The following TXNRD1 variants were observed in gnomAD, a reference collection of about 807,000 sequenced individuals.
TXNRD1 encodes the protein thioredoxin reductase 1, also known as thioredoxin reductase 1, cytoplasmic.
TXNRD1 carries 57 observed loss-of-function variants against 80.3 expected under a neutral mutation model. That is an observed-to-expected ratio of 0.71 (90% CI 0.57 to 0.89). The LOEUF is 0.89. Ranked by LOEUF, TXNRD1 falls within the 40% of genes least tolerant of loss-of-function variation. The pLI, the probability that TXNRD1 is intolerant of heterozygous loss-of-function variation, is 0.00. For missense variants in TXNRD1, 730 were observed against 803.0 expected, an observed-to-expected ratio of 0.91 and a Z score of 1.10; for synonymous variants, 291 against 285.2, an observed-to-expected ratio of 1.02 and a Z score of -0.20.
At chr12:104,341,863 AG>A (rs2036336143) in intron 16 of TXNRD1, among the ~76,000 whole-genome samples, 1 of 152,330 alleles carries the variant, frequency 6.6e-6, no homozygotes, top group East Asian at 1.9e-4. Flanking sequence ...TATAAAGTCA[AG>A]GGGTTCCCAT....
At chr12:104,270,238 T>C (rs2033625536) in intron 3 of TXNRD1, among the ~76,000 whole-genome samples, 1 of 152,224 alleles carries the variant, frequency 6.6e-6, no homozygotes, top group Non-Finnish European at 1.5e-5. Flanking sequence ...TTTGCCCAGA[T>C]CTGTCAGAGG....
chr12:104,290,381 A>T (rs1211831391), intron 4 of TXNRD1, among the ~76,000 whole-genome samples: 16 of 152,158 alleles, frequency 1.1e-4, no homozygotes, highest in Admixed American at 8.5e-4. Flanking sequence ...AAAAAGAGAT[A>T]ACGGTCTATT....
chr12:104,224,794 C>T (rs1374033362), intron 1 of TXNRD1: 1 of 455,330 alleles, frequency 2.2e-6, no homozygotes, highest in South Asian at 1.6e-5. Context: ...TGATTTTCTC[C>T]CCCACTGTTT....
intron 13 of TXNRD1, among the ~76,000 whole-genome samples, chr12:104,328,471 T>C (rs1481731345): frequency 6.6e-6 from 1 of 151,932 alleles, no homozygotes; most frequent in African/African-American, 2.4e-5. Context: ...ATATCTGTCT[T>C]AGAGGCCAGG....
At chr12:104,235,056 G>C (rs936563388) in intron 1 of TXNRD1, among the ~76,000 whole-genome samples, 1 of 152,122 alleles carries the variant, frequency 6.6e-6, no homozygotes, top group Admixed American at 6.6e-5. Context: ...ATAAGAGCTC[G>C]GAGTCGCAAA....
chr12:104,254,644 A>AAAAAAAAAAAAAAAAAAAAAT, intron 2 of TXNRD1, among the ~76,000 whole-genome samples: 17 of 93,634 alleles, frequency 1.8e-4, no homozygotes, highest in Non-Finnish European at 2.5e-4. Context: ...AAAAAAAAAA[A>AAAAAAAAAAAAAAAAAAAAAT]ATATATATAT....
At chr12:104,253,749 A>C (rs2033181814) in intron 2 of TXNRD1, among the ~76,000 whole-genome samples, 1 of 152,030 alleles carries the variant, frequency 6.6e-6, no homozygotes, top group East Asian at 1.9e-4. Flanking sequence ...GCTGGAGTGC[A>C]GTGGTGTGAT....
intron 10 of TXNRD1, among the ~76,000 whole-genome samples, chr12:104,323,986 A>G (rs369691626): frequency 3.3e-5 from 5 of 152,352 alleles, no homozygotes; most frequent in African/African-American, 1.2e-4. Flanking sequence ...ACCGAATGGA[A>G]GGAACCTTCT....
At chr12:104,244,237 T>G (rs1016726098) in intron 1 of TXNRD1, among the ~76,000 whole-genome samples, 1 of 152,218 alleles carries the variant, frequency 6.6e-6, no homozygotes, top group African/African-American at 2.4e-5. Flanking sequence ...TCAGTGGTTT[T>G]GGCAGGTACA....
chr12:104,314,738 C>CTTT (rs11330431), intron 6 of TXNRD1, among the ~76,000 whole-genome samples: 49 of 103,658 alleles, frequency 4.7e-4, no homozygotes, highest in South Asian at 6.3e-4. Context: ...AAATTTTTTT[C>CTTT]TTTTTTTTTT....
intron 6 of TXNRD1, 61 bp downstream of exon 6, chr12:104,313,378 C>T: frequency 2.4e-6 from 3 of 1,247,288 alleles, no homozygotes; most frequent in Admixed American, 2.6e-5. Flanking sequence ...TGGCAATAAT[C>T]TAACTGGTTC....
chr12:104,219,503 G>A (rs903149864), intron 1 of TXNRD1, among the ~76,000 whole-genome samples: 2 of 152,180 alleles, frequency 1.3e-5, no homozygotes, highest in Admixed American at 1.3e-4. Flanking sequence ...GAGAAGAATG[G>A]CGTAGAAAAT....
At chr12:104,284,208 G>A (rs890970280) in intron 3 of TXNRD1, 6 of 152,210 alleles carry the variant, frequency 3.9e-5, no homozygotes, top group Non-Finnish European at 8.8e-5. Flanking sequence ...GCAACCTTGA[G>A]GATACATTTG....
At chr12:104,287,184 G>T in intron 3 of TXNRD1, 1 of 1,576,538 alleles carries the variant, frequency 6.3e-7, no homozygotes. Flanking sequence ...CGGCCTGCCG[G>T]CGGGGACGAC....
At chr12:104,322,072 T>A (rs575258012) in intron 10 of TXNRD1, among the ~76,000 whole-genome samples, 3 of 152,020 alleles carry the variant, frequency 2.0e-5, no homozygotes, top group Non-Finnish European at 4.4e-5. Flanking sequence ...TGCTGATAGA[T>A]AAGAATATGA....
At chr12:104,304,015 C>T (rs747182777) in intron 4 of TXNRD1, 2 of 1,612,136 alleles carry the variant, frequency 1.2e-6, no homozygotes, top group East Asian at 2.2e-5. Flanking sequence ...ACCCAAAGCT[C>T]CTGGAGCTCA....
intron 4 of TXNRD1, among the ~76,000 whole-genome samples, chr12:104,305,567 A>G (rs968886608): frequency 2.6e-5 from 4 of 152,236 alleles, no homozygotes; most frequent in Non-Finnish European, 5.9e-5. Context: ...AGGAAAAGGC[A>G]TTCTAGGCAA....
chr12:104,319,113 T>C (rs1196744937), intron 8 of TXNRD1, 58 bp downstream of exon 8: 1 of 1,545,342 alleles, frequency 6.5e-7, no homozygotes, highest in East Asian at 2.3e-5. Context: ...TTTTAAAAGC[T>C]TTGGTTAGAA....
At chr12:104,273,988 G>A (rs982266792) in intron 3 of TXNRD1, among the ~76,000 whole-genome samples, 1 of 152,120 alleles carries the variant, frequency 6.6e-6, no homozygotes, top group Non-Finnish European at 1.5e-5. Context: ...GGGAGGTGGA[G>A]TTGCAGTGAG....
Sources: gnomAD v4.1 joint callset for allele counts (sites outside exome capture counted in the v4.1 genomes callset) on GRCh38, gnomAD v4.1.1 for gene constraint, MANE v1.5 for transcripts, NCBI Gene and HGNC (gene_info 2026-07-23, HGNC 2026-07-21) for gene names.